The following CENPT variants were observed in gnomAD, a reference collection of about 807,000 sequenced individuals.
CENPT encodes the protein centromere protein T.
Under a neutral mutation model 59.7 loss-of-function variants are expected in CENPT, and 42 were observed. That is an observed-to-expected ratio of 0.70 (90% CI 0.55 to 0.91). CENPT has a LOEUF of 0.91. Ranked by LOEUF, CENPT falls within the 40% of genes least tolerant of loss-of-function variation. The pLI is 0.00. For synonymous variants in CENPT, 295 were observed against 289.6 expected (o/e 1.02, Z -0.19); for missense variants, 716 against 713.4 (o/e 1.00, Z -0.04).
chr16:67,831,004 TA>T, intron 10 of CENPT: 1 of 659,396 alleles, frequency 1.5e-6, no homozygotes, highest in Non-Finnish European at 2.6e-6. Context: ...CCCTATAGTC[TA>T]AGGATATGGG....
rs748359623 is a variant in CENPT, at chr16:67,830,721, C to T, written c.704-173G>A. 57 of 631,440 alleles carry T rather than the reference C, an allele frequency of 9.0e-5. 1 individual carries two copies. Among genetic ancestry groups the T allele is most frequent in the African/African-American group, 3.0e-4 (16 of 54,166 alleles). 39.1% of individuals were successfully genotyped at this position (631,440 alleles called of 1,614,324 possible). ...CAGAGAAAGAAGACGACCTAGCACGCGAGGCCTTATCGCCTACAGCCCTCC... is the reference window on the plus strand; with the variant it reads ...CAGAGAAAGAAGACGACCTAGCACGTGAGGCCTTATCGCCTACAGCCCTCC... On this transcript the variant is annotated intron_variant, in intron 10 of 15. Coordinates refer to ENST00000562787, the MANE Select transcript of CENPT (RefSeq NM_025082.4).
Position 67,830,036 on chromosome 16 carries a change from G to A in CENPT, c.915C>T (p.Ala305=), listed in dbSNP as rs752282801. The change falls in exon 12 of 16, where the codon GCC becomes GCT. Residue 305 remains alanine (A), a synonymous_variant. Coordinates refer to ENST00000562787, the MANE Select transcript of CENPT (RefSeq NM_025082.4). ...TGGTGCTCAGGAAGCCCAGAGCAAA[G>A]GCATTGACCTCCTCTGCCTCTCCTG... The part of the protein sequence containing the change: ...FLAGEAEEVN[A]FALGFLSTSS... The A allele has an allele frequency of 6.2e-7, 1 of 1,614,244 alleles. No homozygotes were observed. Among genetic ancestry groups the A allele is most frequent in the South Asian group, 1.1e-5 (1 of 91,090 alleles).
At chr16:67,828,959 G>T in intron 13 of CENPT, 116 bp from the exon 14 acceptor site, 1 of 1,133,558 alleles carries the variant, frequency 8.8e-7, no homozygotes, top group Non-Finnish European at 1.2e-6. Flanking sequence ...GGCCAGCCAG[G>T]ACCAGCAGCC....
intron 1 of CENPT, among the ~76,000 whole-genome samples, chr16:67,845,414 G>A (rs1368427704): frequency 6.6e-6 from 1 of 152,212 alleles, no homozygotes; most frequent in Non-Finnish European, 1.5e-5. Context: ...GACATAGGTT[G>A]TGTAGGTGGC....
chr16:67,833,566 G>A (rs2057713361), intron 4 of CENPT, among the ~76,000 whole-genome samples, 184 bp downstream of exon 4: 1 of 152,144 alleles, frequency 6.6e-6, no homozygotes, highest in South Asian at 2.1e-4. Context: ...AGAGTCCCAG[G>A]CCCTGCTCCT....
chr16:67,838,425 C>T (rs1451787629), intron 1 of CENPT, among the ~76,000 whole-genome samples: 1 of 150,718 alleles, frequency 6.6e-6, no homozygotes, highest in Non-Finnish European at 1.5e-5. Context: ...AGTTCGAGAC[C>T]AGCCCGGACA....
At chr16:67,838,954 T>G (rs1351561162) in intron 1 of CENPT, among the ~76,000 whole-genome samples, 1 of 150,354 alleles carries the variant, frequency 6.7e-6, no homozygotes, top group Non-Finnish European at 1.5e-5. Flanking sequence ...AAAAAAAATT[T>G]AAGCATGTAA....
intron 15 of CENPT, 23 bp downstream of exon 15, chr16:67,828,451 C>T: frequency 1.2e-6 from 2 of 1,614,128 alleles, no homozygotes. Flanking sequence ...CAGCCAGCAC[C>T]CCCACACCTT....
At chr16:67,841,216 A>T (rs966862563) in intron 1 of CENPT, among the ~76,000 whole-genome samples, 2 of 149,018 alleles carry the variant, frequency 1.3e-5, no homozygotes, top group African/African-American at 4.9e-5. Context: ...AAAAAAAAAA[A>T]AAAAAGATTC....
chr16:67,839,918 G>A (rs1483769364), intron 1 of CENPT, among the ~76,000 whole-genome samples: 1 of 152,146 alleles, frequency 6.6e-6, no homozygotes, highest in African/African-American at 2.4e-5. Flanking sequence ...GTGTGTTCAC[G>A]TTTATACCGT....
intron 4 of CENPT, 138 bp downstream of exon 4, chr16:67,833,612 A>G: frequency 2.0e-6 from 1 of 502,050 alleles, no homozygotes; most frequent in Non-Finnish European, 3.5e-6. Context: ...AACAGAGTCG[A>G]CGCTGGGTTC....
At position 67,832,124 on chromosome 16, in the gene CENPT, G is replaced by A; in HGVS notation, c.290-16C>T. 2 of 1,610,434 alleles carry A rather than the reference G, an allele frequency of 1.2e-6. No homozygotes were observed. The highest frequency in any genetic ancestry group is 1.7e-6 in the Non-Finnish European group (2 of 1,177,204). ...GATTCTGGGGCTGCAGAAACACCAA[G>A]GAGAGGGTGGGGCTGACAGAACAGG... On this transcript the variant is annotated splice_polypyrimidine_tract_variant and intron_variant, in intron 6 of 15. Transcript: ENST00000562787.
chr16:67,835,003 G>A (rs1422860041), intron 3 of CENPT, among the ~76,000 whole-genome samples, 169 bp downstream of exon 3: 13 of 152,052 alleles, frequency 8.5e-5, no homozygotes, highest in Admixed American at 4.6e-4. Flanking sequence ...CACCACACCC[G>A]GCTAATTTTG....
At chr16:67,844,773 C>T (rs2057785923) in intron 1 of CENPT, among the ~76,000 whole-genome samples, 1 of 149,978 alleles carries the variant, frequency 6.7e-6, no homozygotes, top group Admixed American at 6.6e-5. Context: ...TTCTTGGCTG[C>T]CTGCCTCTAT....
At chr16:67,830,600 C>T (rs1243349917) in intron 10 of CENPT, 52 bp from the exon 11 acceptor site, 1 of 1,585,056 alleles carries the variant, frequency 6.3e-7, no homozygotes, top group Non-Finnish European at 8.6e-7. Context: ...AGATCAGGGG[C>T]CAGCTGGCTC....
chr16:67,829,346 G>T lies in CENPT; in HGVS notation c.1280+77C>A, dbSNP rs1846440664. 2.6e-6 allele frequency: 3 copies of T among 1,173,686 alleles called. No individual in the cohort carries two copies. The East Asian group carries it at 7.9e-5, about 31-fold the overall frequency. 72.7% of individuals were successfully genotyped at this position (1,173,686 alleles called of 1,614,324 possible). ...ATCATCTGCATACCCGTAGGAAGGG[G>T]GAGGACCCTATGTACACAGCATACC... is the stretch of plus-strand genomic sequence containing the variant. On this transcript the variant is annotated intron_variant, in intron 13 of 15. Coordinates refer to ENST00000562787, the MANE Select transcript of CENPT (RefSeq NM_025082.4).
At chr16:67,831,195 C>G (rs374147555) in intron 10 of CENPT, 21 bp downstream of exon 10, 2 of 1,613,756 alleles carry the variant, frequency 1.2e-6, no homozygotes, top group Non-Finnish European at 1.7e-6. Context: ...CAAAGGCCAG[C>G]AGGGGAAAAC....
chr16:67,831,538 C>A (rs1485081314), intron 9 of CENPT, 38 bp downstream of exon 9: 1 of 1,612,138 alleles, frequency 6.2e-7, no homozygotes, highest in Non-Finnish European at 8.5e-7. Context: ...AGTCTCTCCT[C>A]CACCCACTCC....
At chr16:67,845,089 C>T (rs1269572937) in intron 1 of CENPT, among the ~76,000 whole-genome samples, 2 of 152,126 alleles carry the variant, frequency 1.3e-5, no homozygotes, top group African/African-American at 4.8e-5. Flanking sequence ...CGCCCAGCCT[C>T]TATTTTTTCT....
Sources: allele counts gnomAD v4.1 joint callset (sites outside exome capture counted in the v4.1 genomes callset), GRCh38; gene constraint gnomAD v4.1.1; transcripts MANE v1.5; gene names NCBI Gene and HGNC (gene_info 2026-07-23, HGNC 2026-07-21).